Variants in KRT33A observed in about 807,000 individuals in gnomAD.
KRT33A encodes the protein keratin 33A, also known as keratin, type I cuticular Ha3-I.
KRT33A carries 44 observed loss-of-function variants against 41.1 expected under a neutral mutation model. That is an observed-to-expected ratio of 1.07 (90% CI 0.84 to 1.38). The LOEUF is 1.38. Among genes scored for constraint, KRT33A ranks in the 40% most tolerant of loss-of-function variants. The probability of loss-of-function intolerance (pLI) is 0.00; values close to 1 mark genes in which losing one functional copy is unlikely to be tolerated. For synonymous variants in KRT33A, 229 were observed against 227.8 expected (o/e 1.01, Z -0.05); for missense variants, 536 against 518.5 (o/e 1.03, Z -0.33).
chr17:41,346,125 C>T lies in KRT33A; in HGVS notation c.1209G>A (p.Gly403=). The T allele has an allele frequency of 4.3e-6, 7 of 1,610,604 alleles. No homozygotes were observed. The highest frequency in any genetic ancestry group is 5.1e-6 in the Non-Finnish European group (6 of 1,176,936). The change falls in exon 7 of 7, where the codon GGG becomes GGA. Residue 403 remains glycine (G), a synonymous_variant. Coordinates refer to ENST00000007735, the MANE Select transcript of KRT33A (RefSeq NM_004138.4). ...RARCGPCNTF[G]Y ...CCTCCTGGTTGTGGGGCCTCTAGTA[C>T]CCAAATGTGTTGCAAGGCCCACACC...
At chr17:41,349,618 T>C (rs1236322997) in intron 1 of KRT33A, among the ~76,000 whole-genome samples, 190 bp from the exon 2 acceptor site, 2 of 151,954 alleles carry the variant, frequency 1.3e-5, no homozygotes, top group African/African-American at 4.8e-5. Flanking sequence ...ATGCAAAAAG[T>C]ATAAGTAGAT....
chr17:41,350,756 A>G lies in KRT33A; in HGVS notation c.12T>C (p.Ser4=), dbSNP rs750323614. 3.7e-6 allele frequency: 6 copies of G among 1,611,444 alleles called. No homozygotes were observed. Among genetic ancestry groups the G allele is most frequent in the East Asian group, 2.2e-5 (1 of 44,860 alleles). ...GGCAGCTCAGGCTGGGCAGGCCACA[A>G]CTGTAAGACATGGTGCAGGGAGGGA... MSY[S]CGLPSLSCRT... The change falls in exon 1 of 7, where the codon AGT becomes AGC. Residue 4 remains serine, a synonymous_variant. Coordinates refer to ENST00000007735, the MANE Select transcript of KRT33A (RefSeq NM_004138.4).
At chr17:41,347,352 C>A in intron 3 of KRT33A, 130 bp from the exon 4 acceptor site, 2 of 1,136,928 alleles carry the variant, frequency 1.8e-6, no homozygotes, top group Admixed American at 3.1e-5. Context: ...TGTCACTAAC[C>A]AGGATCTATA....
Position 41,346,522 on chromosome 17 carries a change from C to T in KRT33A, c.1023G>A (p.Val341=). Residue 341 remains valine, a synonymous_variant, in exon 6 of 7, where the codon GTG becomes GTA. Transcript: ENST00000007735. The stretch of plus-strand genomic sequence containing the variant: ...CCAGCCGCGCCCGCACGTCCAGCAG[C>T]ACCTGATACTCCTGGTTCTGCCGCT... The part of the protein sequence containing the change: ...DLERQNQEYQ[V]LLDVRARLEC... 2 of 1,614,204 alleles carry T rather than the reference C, an allele frequency of 1.2e-6. No individual in the cohort carries two copies. The highest frequency in any genetic ancestry group is 1.7e-6 in the Non-Finnish European group (2 of 1,180,032).
chr17:41,349,187 T>C (rs556348295), intron 2 of KRT33A, among the ~76,000 whole-genome samples, 159 bp downstream of exon 2: 7 of 152,266 alleles, frequency 4.6e-5, no homozygotes, highest in Admixed American at 1.3e-4. Context: ...GGGGAAAGGA[T>C]CTCTGAGCTA....
Sources: gnomAD v4.1 joint callset for allele counts (sites outside exome capture counted in the v4.1 genomes callset) on GRCh38, gnomAD v4.1.1 for gene constraint, MANE v1.5 for transcripts, NCBI Gene and HGNC (gene_info 2026-07-23, HGNC 2026-07-21) for gene names.